OR52N4: variants seen among roughly 807,000 people sequenced by gnomAD.
OR52N4 encodes the protein olfactory receptor family 52 subfamily N member 4.
OR52N4 carries 15 observed loss-of-function variants against 15.0 expected under a neutral mutation model. The observed-to-expected ratio is 1.00, with a 90% CI of 0.67 to 1.54. The LOEUF (loss-of-function observed/expected upper bound fraction) is 1.54. Ranked by LOEUF, OR52N4 falls within the 40% of genes most tolerant of loss-of-function variation. The pLI, the probability that OR52N4 is intolerant of heterozygous loss-of-function variation, is 0.00. For missense variants in OR52N4, 421 were observed against 394.0 expected, an observed-to-expected ratio of 1.07 and a Z score of -0.58; for synonymous variants, 143 against 143.7, an observed-to-expected ratio of 1.00 and a Z score of 0.03.
chr11:5,753,966 G>A (rs1222607916), upstream of OR52N4, among the ~76,000 whole-genome samples: 1 of 136,474 alleles, frequency 7.3e-6, no homozygotes, highest in Non-Finnish European at 1.5e-5. Flanking sequence ...TCCAGCCTGG[G>A]CAACAAAGCA....
the OR52N4 span, among the ~76,000 whole-genome samples, chr11:5,748,783 G>GA: frequency 6.6e-6 from 1 of 151,946 alleles, no homozygotes. Context: ...TGGAGAAGAA[G>GA]AAAACATTAA....
rs1190719201 is a variant in OR52N4, at chr11:5,755,738, A to G, written c.*32A>G. 1.3e-6 allele frequency: 2 copies of G among 1,591,268 alleles called. No individual in the cohort carries two copies. Among genetic ancestry groups the G allele is most frequent in the Admixed American group, 1.7e-5 (1 of 57,148 alleles). The stretch of plus-strand genomic sequence containing the variant: ...ACTTGCCAGGAGTGAGAAGAGAAGG[A>G]AAGAATTACTTCTATTTGCCTCTTA... On this transcript the variant is annotated 3_prime_UTR_variant, in exon 2 of 2. Transcript: ENST00000641350.
chr11:5,753,946 G>T (rs192809172), upstream of OR52N4, among the ~76,000 whole-genome samples: 6 of 134,346 alleles, frequency 4.5e-5, no homozygotes, highest in South Asian at 2.3e-4. Context: ...CCAAGATTGC[G>T]CCACTGCACT....
the OR52N4 span, among the ~76,000 whole-genome samples, chr11:5,727,969 G>A: frequency 6.6e-6 from 1 of 152,166 alleles, no homozygotes; most frequent in African/African-American, 2.4e-5. Context: ...ACCAAGAGGA[G>A]AAAAAGATCC....
rs756794021 is a variant in OR52N4, at chr11:5,755,086, G to T, written c.346G>T (p.Val116Leu). 1 of 1,613,990 alleles carries T rather than the reference G, an allele frequency of 6.2e-7. No homozygotes were observed. Among genetic ancestry groups the T allele is most frequent in the Admixed American group, 1.7e-5 (1 of 59,978 alleles). Reference protein sequence around the residue: ...THTFTGMESGVLMLMALDRYV... With the variant: ...THTFTGMESGLLMLMALDRYV... ...CACCTTCACAGGGATGGAGTCTGGG[G>T]TGCTTATGCTTATGGCCCTGGATCG... Residue 116 changes from valine to leucine, a missense_variant, in exon 2 of 2, where the codon GTG becomes TTG. Transcript: ENST00000641350.
the OR52N4 span, among the ~76,000 whole-genome samples, chr11:5,744,960 A>C: frequency 5.9e-5 from 9 of 152,128 alleles, no homozygotes; most frequent in Admixed American, 6.6e-5. Context: ...AATCATTTTA[A>C]TACATGTGGA....
chr11:5,736,700 C>T, the OR52N4 span: 1 of 1,614,026 alleles, frequency 6.2e-7, no homozygotes, highest in South Asian at 1.1e-5. Context: ...CTGGCAGAAC[C>T]CTTCTTTACA....
chr11:5,728,466 C>A, the OR52N4 span, among the ~76,000 whole-genome samples: 1 of 152,140 alleles, frequency 6.6e-6, no homozygotes, highest in East Asian at 1.9e-4. Context: ...GCTTTCTGTC[C>A]ACTCCTCACC....
chr11:5,743,543 C>T, the OR52N4 span, among the ~76,000 whole-genome samples: 33 of 152,220 alleles, frequency 2.2e-4, no homozygotes, highest in African/African-American at 7.5e-4. Context: ...TATTCTTACA[C>T]CACAGTGGAT....
At position 5,754,928 on chromosome 11, in the gene OR52N4, A is replaced by G; in HGVS notation, c.188A>G (p.Tyr63Cys). The change falls in exon 2 of 2, where the codon TAC (tyrosine) becomes TGC (cysteine). Residue 63 changes from tyrosine to cysteine, a missense_variant. Transcript: ENST00000641350. ...GATGCCCTGCACAAACCCATGTACT[A>G]CTTCTTGGCCATGCTTTCCTTTACT... Reference protein sequence around the residue: ...YEDALHKPMYYFLAMLSFTDL... With the variant: ...YEDALHKPMYCFLAMLSFTDL... 1 of 1,613,570 alleles carries G rather than the reference A, an allele frequency of 6.2e-7. No homozygotes were observed. Among genetic ancestry groups the G allele is most frequent in the South Asian group, 1.1e-5 (1 of 91,068 alleles).
chr11:5,731,992 TC>T, the OR52N4 span, among the ~76,000 whole-genome samples: 1 of 152,216 alleles, frequency 6.6e-6, no homozygotes, highest in African/African-American at 2.4e-5. Context: ...ATTATATCAG[TC>T]TAATTAACAT....
the OR52N4 span, among the ~76,000 whole-genome samples, chr11:5,739,935 T>G: frequency 7.8e-6 from 1 of 128,790 alleles, no homozygotes; most frequent in African/African-American, 2.8e-5. Context: ...TAAGACTTTC[T>G]CAGAGCTGCA....
the OR52N4 span, chr11:5,737,971 TA>T: frequency 6.4e-6 from 1 of 155,824 alleles, no homozygotes. Context: ...GAAAAGAAAA[TA>T]ATTCAGATAA....
the OR52N4 span, among the ~76,000 whole-genome samples, chr11:5,730,500 C>T: frequency 1.3e-5 from 2 of 152,004 alleles, no homozygotes; most frequent in Admixed American, 6.5e-5. Context: ...CAGCAGTAAC[C>T]ATTTTTAACA....
upstream of OR52N4, among the ~76,000 whole-genome samples, chr11:5,753,015 A>C (rs1854221941): frequency 6.6e-6 from 1 of 152,126 alleles, no homozygotes. Context: ...TCATTGTGGG[A>C]ATGTACCAAA....
At chr11:5,740,485 A>G in the OR52N4 span, among the ~76,000 whole-genome samples, 1 of 127,710 alleles carries the variant, frequency 7.8e-6, no homozygotes, top group African/African-American at 2.8e-5. Context: ...TAAAAAGGGT[A>G]ACAACAGCGG....
At chr11:5,727,679 C>T in the OR52N4 span, among the ~76,000 whole-genome samples, 614 of 152,152 alleles carry the variant, frequency 4.0e-3, 3 homozygotes, top group Non-Finnish European at 4.2e-3. Flanking sequence ...ACCTGGGTAA[C>T]GTGCAGATAT....
At chr11:5,746,896 C>T in the OR52N4 span, among the ~76,000 whole-genome samples, 3 of 151,650 alleles carry the variant, frequency 2.0e-5, no homozygotes, top group African/African-American at 2.4e-5. Context: ...GCAAAGATAG[C>T]GAATCAGACT....
the OR52N4 span, among the ~76,000 whole-genome samples, chr11:5,746,365 C>G: frequency 8.1e-4 from 123 of 152,076 alleles, 6 homozygotes; most frequent in Non-Finnish European, 7.4e-5. Flanking sequence ...AGCTGACAAC[C>G]TACAGAATGG....
Sources: allele counts gnomAD v4.1 joint callset (sites outside exome capture counted in the v4.1 genomes callset), GRCh38; gene constraint gnomAD v4.1.1; transcripts MANE v1.5; gene names NCBI Gene and HGNC (gene_info 2026-07-23, HGNC 2026-07-21).